Variants in COPG1 observed in about 807,000 individuals in gnomAD.
COPG1 encodes the protein coat protein complex I subunit gamma 1.
A neutral mutation model predicts 102.8 loss-of-function variants in COPG1; 29 were observed. The ratio of observed to expected loss-of-function variants is 0.28; its 90% confidence interval spans 0.21 to 0.38. The LOEUF is 0.38. Among genes scored for constraint, COPG1 ranks in the 10% least tolerant of loss-of-function variants. COPG1 has a pLI of 1.00. For missense variants in COPG1, 875 were observed against 1,132.7 expected (o/e 0.77, Z 3.27); for synonymous variants, 406 against 421.6 (o/e 0.96, Z 0.45).
intron 21 of COPG1, among the ~76,000 whole-genome samples, chr3:129,273,244 G>A (rs1216522650): frequency 2.6e-5 from 4 of 152,100 alleles, no homozygotes; most frequent in South Asian, 2.1e-4. Flanking sequence ...GGCTGGTCGC[G>A]ATCTCCTCAC....
intron 21 of COPG1, among the ~76,000 whole-genome samples, chr3:129,273,225 T>C (rs938673921): frequency 1.3e-5 from 2 of 152,148 alleles, no homozygotes; most frequent in Non-Finnish European, 2.9e-5. Flanking sequence ...GGTTTCACCA[T>C]GTTGGCTAGG....
chr3:129,266,112 C>T (rs1940054236), intron 14 of COPG1, among the ~76,000 whole-genome samples: 1 of 152,002 alleles, frequency 6.6e-6, no homozygotes, highest in Admixed American at 6.6e-5. Flanking sequence ...GGTGGGACTA[C>T]AGGTGTGTGC....
At chr3:129,263,479 T>G (rs1161183472) in intron 12 of COPG1, among the ~76,000 whole-genome samples, 1 of 151,986 alleles carries the variant, frequency 6.6e-6, no homozygotes, top group African/African-American at 2.4e-5. Flanking sequence ...GGGGATAAGA[T>G]TGCTGAAGAG....
In COPG1 at chr3:129,268,964, G is replaced by A; in HGVS notation, c.1807G>A (p.Glu603Lys). The A allele has an allele frequency of 6.2e-7, 1 of 1,614,174 alleles. No homozygotes were observed. The highest frequency in any genetic ancestry group is 1.1e-5 in the South Asian group (1 of 91,070). The change falls in exon 18 of 24, where the codon GAG becomes AAG. Residue 603 changes from glutamate (E) to lysine (K), a missense_variant. Transcript: ENST00000314797. ...STPITAVKQP[E>K]KVAATRQEIF... ...CCCCATCACAGCAGTCAAACAGCCT[G>A]AGAAAGTGGCAGCTACCAGGCAGGA... is the stretch of plus-strand genomic sequence containing the variant.
At position 129,250,912 on chromosome 3, in the gene COPG1, CTTTTTTTTTTTTTTTT is replaced by C. The variant is rs10706690; in HGVS notation, c.90+190_90+205del. 163 of 202,534 alleles carry C rather than the reference CTTTTTTTTTTTTTTTT, an allele frequency of 8.0e-4. 1 individual carries two copies. The highest frequency in any genetic ancestry group is 7.3e-3 in the African/African-American group (145 of 19,876). The allele number at this position is 202,534 out of a possible 1,614,324, so 12.5% of individuals were successfully genotyped here. A position where few individuals can be genotyped will look rare whatever the true frequency, so the allele number is the denominator to read the frequency against. On this transcript the variant is annotated intron_variant, in intron 2 of 23. Coordinates refer to ENST00000314797, the MANE Select transcript of COPG1 (RefSeq NM_016128.4). ...TGGAGAGAGTTAGTTATGCTTACTT[CTTTTTTTTTTTTTTTT>C]TTTTTTTTTTTCTGAGACAGAGTCT...
At chr3:129,253,030 C>T in intron 5 of COPG1, 75 bp downstream of exon 5, 4 of 1,316,084 alleles carry the variant, frequency 3.0e-6, no homozygotes, top group Non-Finnish European at 1.1e-6. Flanking sequence ...GTGTACCAGA[C>T]AGTGAGACTT....
At position 129,271,948 on chromosome 3, in the gene COPG1, C is replaced by G. The variant is rs1940189618; in HGVS notation, c.1986+39C>G. 1 of 1,606,264 alleles carries G rather than the reference C, an allele frequency of 6.2e-7. No homozygotes were observed. The highest frequency in any genetic ancestry group is 1.3e-5 in the African/African-American group (1 of 74,816). On this transcript the variant is annotated intron_variant, in intron 19 of 23. Transcript: ENST00000314797. This position sits in a 1 kb window ranked among gnomAD's most constrained non-coding sequence, Gnocchi z 4.7. Reference sequence around the variant, plus strand: ...GCTGAGGCCCTGCTGGGGCATGCGCCCAGGGAGTTGTCCCAGGTCTGGCAG... The same window carrying G: ...GCTGAGGCCCTGCTGGGGCATGCGCGCAGGGAGTTGTCCCAGGTCTGGCAG...
At chr3:129,265,060 A>G (rs1480035352) in intron 13 of COPG1, among the ~76,000 whole-genome samples, 4 of 151,794 alleles carry the variant, frequency 2.6e-5, no homozygotes, top group Non-Finnish European at 5.9e-5. Flanking sequence ...ACCTCAGGTG[A>G]TCCACCCACC....
rs534194427 is a variant in COPG1 at position 129,265,809 on chromosome 3, GC to G, written c.1468+18del. 6.2e-7 allele frequency: 1 copy of G among 1,609,588 alleles called. No homozygotes were observed. Among genetic ancestry groups the G allele is most frequent in the Non-Finnish European group, 8.5e-7 (1 of 1,176,646 alleles). On this transcript the variant is annotated intron_variant, in intron 14 of 23. Transcript: ENST00000314797. ...TCCGGGCAGGTAGGTCTGAGCCAGG[GC>G]TGAACTTGGAAACTTAGCTTACCCT... is the stretch of plus-strand genomic sequence containing the variant.
intron 10 of COPG1, among the ~76,000 whole-genome samples, chr3:129,258,447 C>T (rs1044089327): frequency 6.6e-6 from 1 of 152,158 alleles, no homozygotes; most frequent in African/African-American, 2.4e-5. Flanking sequence ...TTGTTGTTTG[C>T]CGTTTGCTGT....
intron 12 of COPG1, among the ~76,000 whole-genome samples, 155 bp downstream of exon 12, chr3:129,260,962 C>T (rs1325790782): frequency 6.6e-6 from 1 of 152,214 alleles, no homozygotes; most frequent in African/African-American, 2.4e-5. Context: ...GAGACTTGGC[C>T]TTCCGAGAAA....
chr3:129,267,437 C>G (rs148193959), intron 15 of COPG1, among the ~76,000 whole-genome samples: 2 of 152,108 alleles, frequency 1.3e-5, no homozygotes, highest in Non-Finnish European at 2.9e-5. Flanking sequence ...CTGGCTAACA[C>G]GCTGAAACCC....
intron 6 of COPG1, 94 bp downstream of exon 6, chr3:129,254,837 C>A: frequency 7.8e-7 from 1 of 1,289,718 alleles, no homozygotes. Flanking sequence ...TATCACTGAG[C>A]CAGGTGATGT....
At chr3:129,253,071 G>C (rs910939906) in intron 5 of COPG1, 116 bp downstream of exon 5, 24 of 849,000 alleles carry the variant, frequency 2.8e-5, no homozygotes, top group Non-Finnish European at 4.6e-5. Context: ...CCACCCCGTG[G>C]CAGCTTCCCT....
chr3:129,260,579 T>C (rs201897170), intron 11 of COPG1, 40 bp from the exon 12 acceptor site: 2 of 1,600,560 alleles, frequency 1.2e-6, no homozygotes, highest in East Asian at 4.5e-5. Context: ...AGTGACAGCA[T>C]TGGGTTCCTG....
intron 7 of COPG1, among the ~76,000 whole-genome samples, chr3:129,255,396 C>T (rs1367572386): frequency 6.6e-6 from 1 of 151,936 alleles, no homozygotes; most frequent in Non-Finnish European, 1.5e-5. Context: ...CCAGGCTGGT[C>T]TTGAACTACA....
chr3:129,277,664 C>A lies in COPG1; in HGVS notation c.*240C>A. On this transcript the variant is annotated 3_prime_UTR_variant, in exon 24 of 24. Coordinates refer to ENST00000314797, the MANE Select transcript of COPG1 (RefSeq NM_016128.4). Reference sequence around the variant, plus strand: ...GCTTGTCCTAAATCTTGCTGTCCACCCTTCCAGGAAAGGGACATTGTAAAT... The same window carrying A: ...GCTTGTCCTAAATCTTGCTGTCCACACTTCCAGGAAAGGGACATTGTAAAT... 1 of 423,752 alleles carries A rather than the reference C, an allele frequency of 2.4e-6. No homozygotes were observed. 26.2% of individuals were successfully genotyped at this position (423,752 alleles called of 1,614,324 possible).
intron 20 of COPG1, 127 bp downstream of exon 20, chr3:129,272,542 G>T (rs1940203452): frequency 2.5e-6 from 2 of 814,428 alleles, no homozygotes; most frequent in East Asian, 5.4e-5. Flanking sequence ...GTCCCAAGAA[G>T]AAGAATAGCT....
At chr3:129,254,937 G>A (rs1313494639) in intron 6 of COPG1, 48 bp from the exon 7 acceptor site, 1 of 1,510,544 alleles carries the variant, frequency 6.6e-7, no homozygotes, top group Non-Finnish European at 9.2e-7. Flanking sequence ...CCTGAGAGCT[G>A]CCAAGGACTG....
Sources: gnomAD v4.1 joint callset for allele counts (sites outside exome capture counted in the v4.1 genomes callset) on GRCh38, gnomAD v4.1.1 for gene constraint, Gnocchi (gnomAD v3.1) non-coding constraint, MANE v1.5 for transcripts, NCBI Gene and HGNC (gene_info 2026-07-23, HGNC 2026-07-21) for gene names.